Variants in CABIN1 observed in about 807,000 individuals in gnomAD.
CABIN1 encodes the protein calcineurin binding protein 1, also known as calcineurin-binding protein cabin-1.
CABIN1 carries 133 observed loss-of-function variants against 227.7 expected under a neutral mutation model. That is an observed-to-expected ratio of 0.58 (90% CI 0.51 to 0.67). CABIN1 has a LOEUF of 0.67. Ranked by LOEUF, CABIN1 falls within the 30% of genes least tolerant of loss-of-function variation. CABIN1 has a pLI of 0.00. For missense variants in CABIN1, 2,408 were observed against 2,852.5 expected (o/e 0.84, Z 3.55); for synonymous variants, 1,086 against 1,155.1 (o/e 0.94, Z 1.21).
At chr22:24,135,635 C>T (rs1235188505) in intron 29 of CABIN1, among the ~76,000 whole-genome samples, 1 of 152,216 alleles carries the variant, frequency 6.6e-6, no homozygotes, top group Non-Finnish European at 1.5e-5. Context: ...CCTTACCTAT[C>T]CACCGCCCCT....
chr22:24,164,526 G>A lies in CABIN1; in HGVS notation c.4873G>A (p.Val1625Met). 1 of 1,605,880 alleles carries A rather than the reference G, an allele frequency of 6.2e-7. No homozygotes were observed. The highest frequency in any genetic ancestry group is 8.5e-7 in the Non-Finnish European group (1 of 1,179,956). The change falls in exon 30 of 37, where the codon GTG becomes ATG. Residue 1625 changes from valine to methionine, a missense_variant. Val to Met is a conservative substitution (Grantham distance 21, BLOSUM62 1). This residue lies in a region of CABIN1 where 649 missense variants were observed against 910.3 expected (regional missense o/e 0.71). Transcript: ENST00000263119. ...QLRDHSTLLK[V>M]SSMLQRTPDQ... The stretch of plus-strand genomic sequence containing the variant: ...GCGGGACCACAGCACCCTGCTGAAG[G>A]TGTCCTCCATGCTTCAGCGGACCCC...
intron 29 of CABIN1, among the ~76,000 whole-genome samples, chr22:24,149,840 T>C (rs1048440972): frequency 6.6e-6 from 1 of 152,226 alleles, no homozygotes; most frequent in Admixed American, 6.5e-5. Context: ...GGTCCAGCTC[T>C]GAGCTTTATT....
At chr22:24,122,214 CAAAATT>C (rs2043457763) in intron 28 of CABIN1, among the ~76,000 whole-genome samples, 2 of 152,068 alleles carry the variant, frequency 1.3e-5, no homozygotes, top group Non-Finnish European at 2.9e-5. Context: ...GTATTTATGT[CAAAATT>C]AAAAGTTGGA....
At chr22:24,137,116 A>T (rs1232794764) in intron 29 of CABIN1, among the ~76,000 whole-genome samples, 1 of 152,176 alleles carries the variant, frequency 6.6e-6, no homozygotes, top group Non-Finnish European at 1.5e-5. Flanking sequence ...GATCTGGCAC[A>T]TGGCAGGTAC....
Position 24,061,948 on chromosome 22 carries a change from A to G in CABIN1, c.1619A>G (p.Asp540Gly). Residue 540 changes from aspartate to glycine, a missense_variant and splice_region_variant, in exon 13 of 37, where the codon GAC becomes GGC. By Grantham distance (94) the Asp-to-Gly change is moderately conservative (BLOSUM62 -1). This residue lies in a region of CABIN1 where 1,045 missense variants were observed against 1,168.4 expected (regional missense o/e 0.89). Coordinates refer to ENST00000263119, the MANE Select transcript of CABIN1 (RefSeq NM_012295.4). Reference protein sequence around the residue: ...LRDCSNKHIKDMMLMSLSCME... With the variant: ...LRDCSNKHIKGMMLMSLSCME... ...GACCTTCCTGTGTCTGTCCTGCAGGACATGATGCTGATGTCTCTCTCCTGC... is the reference window on the plus strand; with the variant it reads ...GACCTTCCTGTGTCTGTCCTGCAGGGCATGATGCTGATGTCTCTCTCCTGC... 1 of 1,613,508 alleles carries G rather than the reference A, an allele frequency of 6.2e-7. No individual in the cohort carries two copies.
intron 4 of CABIN1, among the ~76,000 whole-genome samples, chr22:24,039,706 G>A (rs182442265): frequency 1.3e-5 from 2 of 152,190 alleles, no homozygotes; most frequent in African/African-American, 4.8e-5. Flanking sequence ...AGTTGTAGGT[G>A]TGTGCATCTT....
intron 29 of CABIN1, among the ~76,000 whole-genome samples, chr22:24,146,625 AC>A (rs2045137124): frequency 6.6e-6 from 1 of 152,246 alleles, no homozygotes; most frequent in African/African-American, 2.4e-5. Context: ...CCCTGACAGG[AC>A]CACAGCAAAA....
At chr22:24,062,689 G>T (rs921263968) in intron 13 of CABIN1, among the ~76,000 whole-genome samples, 3 of 152,136 alleles carry the variant, frequency 2.0e-5, no homozygotes, top group Admixed American at 6.5e-5. Context: ...CCACCTGGTG[G>T]AATGTAGATA....
chr22:24,123,780 C>T (rs1240689282), intron 28 of CABIN1, among the ~76,000 whole-genome samples: 1 of 152,252 alleles, frequency 6.6e-6, no homozygotes, highest in Non-Finnish European at 1.5e-5. Flanking sequence ...CAAACACTTC[C>T]CGCTGTGTAT....
At chr22:24,056,956 A>G (rs184074146) in intron 10 of CABIN1, among the ~76,000 whole-genome samples, 8 of 148,674 alleles carry the variant, frequency 5.4e-5, no homozygotes, top group Admixed American at 4.6e-4. Flanking sequence ...TTTTTTTTTG[A>G]GACGGAGTCT....
chr22:24,142,008 G>GTCTTCTCTCCT (rs1569274967), intron 29 of CABIN1, among the ~76,000 whole-genome samples: 1 of 152,124 alleles, frequency 6.6e-6, no homozygotes, highest in African/African-American at 2.4e-5. Flanking sequence ...AGGAGAGAAA[G>GTCTTCTCTCCT]TCTCCAAAGC....
chr22:24,168,905 G>A (rs1011970545), intron 33 of CABIN1, among the ~76,000 whole-genome samples: 3 of 152,166 alleles, frequency 2.0e-5, no homozygotes, highest in Non-Finnish European at 4.4e-5. Context: ...CCTATACAGG[G>A]ACTGCCCCCC....
intron 1 of CABIN1, among the ~76,000 whole-genome samples, chr22:24,027,017 G>C (rs888427876): frequency 6.6e-6 from 1 of 152,176 alleles, no homozygotes; most frequent in Non-Finnish European, 1.5e-5. Context: ...GTTCTTCAAC[G>C]TGGTATGTCT....
At chr22:24,109,688 G>A (rs1404452754) in intron 26 of CABIN1, among the ~76,000 whole-genome samples, 1 of 152,160 alleles carries the variant, frequency 6.6e-6, no homozygotes, top group Admixed American at 6.5e-5. Flanking sequence ...TGTTCCCCAA[G>A]AGGCCAGTGT....
Position 24,035,468 on chromosome 22 carries a change from T to C in CABIN1, c.-50T>C, listed in dbSNP as rs2036796031. The stretch of plus-strand genomic sequence containing the variant: ...GGAGAGTTGTGGACTGGGGCAACCT[T>C]TGCCAGTGATGAGAAGTGATGCTCG... On this transcript the variant is annotated 5_prime_UTR_variant, in exon 2 of 37. Transcript: ENST00000263119. The C allele has an allele frequency of 1.9e-6, 3 of 1,613,648 alleles. No homozygotes were observed. The highest frequency in any genetic ancestry group is 2.5e-6 in the Non-Finnish European group (3 of 1,179,676).
At chr22:24,135,322 G>A (rs1321944221) in intron 29 of CABIN1, among the ~76,000 whole-genome samples, 1 of 152,116 alleles carries the variant, frequency 6.6e-6, no homozygotes, top group East Asian at 1.9e-4. Flanking sequence ...CCCAGGAGGT[G>A]GAGGTTGCAG....
intron 26 of CABIN1, among the ~76,000 whole-genome samples, chr22:24,108,902 A>G (rs1450885942): frequency 6.6e-6 from 1 of 152,228 alleles, no homozygotes; most frequent in Non-Finnish European, 1.5e-5. Flanking sequence ...GTAATGGCAC[A>G]TTTGAGACAT....
chr22:24,035,042 AT>A (rs2036765665), intron 1 of CABIN1, among the ~76,000 whole-genome samples: 1 of 152,032 alleles, frequency 6.6e-6, no homozygotes, highest in South Asian at 2.1e-4. Context: ...AGTGTATTCC[AT>A]TCTTCAAGGC....
At chr22:24,133,140 G>A (rs1031315007) in intron 28 of CABIN1, among the ~76,000 whole-genome samples, 2 of 152,146 alleles carry the variant, frequency 1.3e-5, no homozygotes, top group African/African-American at 4.8e-5. Context: ...AGCTCACAGT[G>A]AATGGAGCCT....
Sources: allele counts gnomAD v4.1 joint callset (sites outside exome capture counted in the v4.1 genomes callset), GRCh38; gene constraint gnomAD v4.1.1; regional missense constraint gnomAD v4.1.1; transcripts MANE v1.5; gene names NCBI Gene and HGNC (gene_info 2026-07-23, HGNC 2026-07-21).